Variants in BAZ2B observed in about 807,000 individuals in gnomAD.
BAZ2B encodes bromodomain adjacent to zinc finger domain 2B.
Under a neutral mutation model 246.0 loss-of-function variants are expected in BAZ2B, and 91 were observed. The observed-to-expected ratio is 0.37, with a 90% CI of 0.31 to 0.44. BAZ2B has a LOEUF of 0.44. Ranked by LOEUF, BAZ2B falls within the 20% of genes least tolerant of loss-of-function variation. BAZ2B has a pLI of 1.00. For missense variants in BAZ2B, 2,332 were observed against 2,533.7 expected, an observed-to-expected ratio of 0.92 and a Z score of 1.71; for synonymous variants, 855 against 860.0, an observed-to-expected ratio of 0.99 and a Z score of 0.10.
At chr2:159,326,064 A>T in intron 34 of BAZ2B, 146 bp from the exon 35 acceptor site, 1 of 698,044 alleles carries the variant, frequency 1.4e-6, no homozygotes. Flanking sequence ...CTTAAGAAAG[A>T]TCTGTGTATT....
chr2:159,382,431 G>T, intron 25 of BAZ2B, 128 bp downstream of exon 25: 1 of 997,822 alleles, frequency 1.0e-6, no homozygotes, highest in Non-Finnish European at 1.4e-6. Flanking sequence ...TTGTTTTTCA[G>T]ATGAGGAAAC....
At chr2:159,362,953 TG>T (rs1291024913) in intron 27 of BAZ2B, among the ~76,000 whole-genome samples, 1 of 152,142 alleles carries the variant, frequency 6.6e-6, no homozygotes, top group Non-Finnish European at 1.5e-5. Context: ...AGCCAGTTAC[TG>T]TGAGGCACGG....
chr2:159,427,895 G>T, intron 13 of BAZ2B, 46 bp downstream of exon 13: 2 of 1,446,066 alleles, frequency 1.4e-6, no homozygotes, highest in Non-Finnish European at 1.9e-6. Context: ...TTAGGTTATG[G>T]TACTACTTTT....
At chr2:159,335,741 C>T (rs760819950) in intron 33 of BAZ2B, among the ~76,000 whole-genome samples, 8 of 152,002 alleles carry the variant, frequency 5.3e-5, no homozygotes, top group East Asian at 1.9e-4. Flanking sequence ...AAAGAAAGAA[C>T]TCTAAGTTAT....
chr2:159,359,735 C>T (rs1159699683), intron 27 of BAZ2B, among the ~76,000 whole-genome samples: 1 of 152,178 alleles, frequency 6.6e-6, no homozygotes, highest in Non-Finnish European at 1.5e-5. Flanking sequence ...AATCCAGCAG[C>T]ATATCAAAAA....
At chr2:159,630,442 A>G in the BAZ2B span, among the ~76,000 whole-genome samples, 1 of 152,266 alleles carries the variant, frequency 6.6e-6, no homozygotes, top group African/African-American at 2.4e-5. Context: ...TGACTTTAAA[A>G]CACAACAACT....
chr2:159,490,643 C>CCT (rs1309366233), intron 2 of BAZ2B, among the ~76,000 whole-genome samples: 1 of 152,140 alleles, frequency 6.6e-6, no homozygotes, highest in East Asian at 1.9e-4. Context: ...ACCTGAGCCT[C>CCT]CTGAGTAGCT....
the BAZ2B span, chr2:159,694,654 C>T: frequency 2.0e-5 from 3 of 152,324 alleles, no homozygotes; most frequent in Admixed American, 2.0e-4. Context: ...TTGCAGCATG[C>T]AGCAGAACTT....
At chr2:159,570,449 G>A (rs1449105182) in intron 1 of BAZ2B, among the ~76,000 whole-genome samples, 1 of 152,162 alleles carries the variant, frequency 6.6e-6, no homozygotes, top group African/African-American at 2.4e-5. Context: ...CCAAAGTGCT[G>A]GGATTACAGG....
intron 2 of BAZ2B, among the ~76,000 whole-genome samples, chr2:159,538,362 CT>C (rs1211149478): frequency 6.6e-6 from 1 of 152,178 alleles, no homozygotes; most frequent in African/African-American, 2.4e-5. Flanking sequence ...ACACCACAGT[CT>C]TTTTTGATTT....
At chr2:159,460,618 A>G (rs1348283378) in intron 3 of BAZ2B, 1 of 152,130 alleles carries the variant, frequency 6.6e-6, no homozygotes, top group Non-Finnish European at 1.5e-5. Flanking sequence ...AAATGGTGGT[A>G]TATTCAAATA....
chr2:159,699,126 T>A, the BAZ2B span, among the ~76,000 whole-genome samples: 5 of 152,178 alleles, frequency 3.3e-5, no homozygotes, highest in African/African-American at 9.7e-5. Context: ...ACACCCAGTA[T>A]CCTCAGTGGG....
intron 1 of BAZ2B, chr2:159,615,817 G>C (rs933764053): frequency 6.6e-6 from 1 of 152,472 alleles, no homozygotes; most frequent in Non-Finnish European, 1.5e-5. Context: ...CGAAGCCAGG[G>C]CGGCCGGCAC....
intron 23 of BAZ2B, 132 bp downstream of exon 23, chr2:159,385,018 CTGAGA>C: frequency 7.8e-6 from 7 of 898,306 alleles, no homozygotes; most frequent in Admixed American, 2.6e-5. Flanking sequence ...TCTCTAAATA[CTGAGA>C]TAAGTACAAT....
the BAZ2B span, among the ~76,000 whole-genome samples, chr2:159,640,518 G>T: frequency 6.6e-6 from 1 of 151,764 alleles, no homozygotes; most frequent in Non-Finnish European, 1.5e-5. Context: ...CTAACCACAT[G>T]GAATAAAACC....
intron 8 of BAZ2B, chr2:159,434,188 G>T (rs569615409): frequency 6.6e-6 from 1 of 151,944 alleles, no homozygotes; most frequent in Non-Finnish European, 1.5e-5. Flanking sequence ...TTGAGATGGA[G>T]TCTTGCTCTG....
the BAZ2B span, among the ~76,000 whole-genome samples, chr2:159,628,033 A>T: frequency 6.6e-6 from 1 of 152,208 alleles, no homozygotes; most frequent in Non-Finnish European, 1.5e-5. Flanking sequence ...TAATAGAGAA[A>T]CAGAGAGCCA....
intron 1 of BAZ2B, among the ~76,000 whole-genome samples, chr2:159,556,495 A>C (rs12105396): frequency 0.057 from 8,633 of 152,148 alleles, 441 homozygotes; most frequent in African/African-American, 0.13. Context: ...CAGAGTCTCA[A>C]TCTCACCCAG....
chr2:159,495,011 T>C (rs965946569), intron 2 of BAZ2B, among the ~76,000 whole-genome samples: 11 of 152,302 alleles, frequency 7.2e-5, no homozygotes, highest in Admixed American at 3.9e-4. Context: ...GATGGTATTA[T>C]ATAAATTTAG....
Sources: gnomAD v4.1 joint callset for allele counts (sites outside exome capture counted in the v4.1 genomes callset) on GRCh38, gnomAD v4.1.1 for gene constraint, MANE v1.5 for transcripts, NCBI Gene and HGNC (gene_info 2026-07-23, HGNC 2026-07-21) for gene names.